The following JPH3 variants were observed in gnomAD, a reference collection of about 807,000 sequenced individuals.
The protein encoded by JPH3 is junctophilin-3.
Under a neutral mutation model 59.6 loss-of-function variants are expected in JPH3, and 11 were observed. The observed-to-expected ratio is 0.18, with a 90% confidence interval of 0.12 to 0.31. The LOEUF (loss-of-function observed/expected upper bound fraction) is 0.31, where lower values mean the gene tolerates loss of function less well. Among genes scored for constraint, JPH3 ranks in the 10% least tolerant of loss-of-function variants. The pLI is 1.00. For synonymous variants in JPH3, 673 were observed against 483.6 expected (o/e 1.39, Z -5.14); for missense variants, 1,202 against 1,105.7 (o/e 1.09, Z -1.24).
At chr16:87,664,409 G>A (rs1431585577) in intron 2 of JPH3, among the ~76,000 whole-genome samples, 1 of 151,022 alleles carries the variant, frequency 6.6e-6, no homozygotes, top group African/African-American at 2.4e-5. Flanking sequence ...TGGATCACTT[G>A]AGGTCAGGAG....
chr16:87,626,658 A>G (rs1184515334), intron 1 of JPH3, among the ~76,000 whole-genome samples: 2 of 152,240 alleles, frequency 1.3e-5, no homozygotes, highest in Non-Finnish European at 2.9e-5. Context: ...ACTCAGAGCC[A>G]CTCAGCCTAT....
intron 1 of JPH3, among the ~76,000 whole-genome samples, chr16:87,608,846 G>A (rs1476424243): frequency 2.0e-5 from 3 of 152,148 alleles, no homozygotes; most frequent in African/African-American, 7.2e-5. Flanking sequence ...AGACCAGCCT[G>A]GGCAACATTG....
At chr16:87,603,941 G>A (rs577635674) in intron 1 of JPH3, 2 of 343,118 alleles carry the variant, frequency 5.8e-6, no homozygotes, top group African/African-American at 2.2e-5. Context: ...CTTCGATCAG[G>A]CCCCAGCTTC....
intron 3 of JPH3, among the ~76,000 whole-genome samples, chr16:87,684,864 G>A (rs534399506): frequency 6.6e-6 from 1 of 152,180 alleles, no homozygotes; most frequent in South Asian, 2.1e-4. Flanking sequence ...CAGTGACAGT[G>A]GCGGGGGCGT....
At chr16:87,652,729 G>C (rs1378667796) in intron 2 of JPH3, among the ~76,000 whole-genome samples, 1 of 152,270 alleles carries the variant, frequency 6.6e-6, no homozygotes, top group East Asian at 1.9e-4. Context: ...CGTGAGTTGA[G>C]GCCCTTGGAT....
chr16:87,641,091 C>G (rs1261673694), intron 1 of JPH3, among the ~76,000 whole-genome samples: 3 of 152,356 alleles, frequency 2.0e-5, no homozygotes, highest in African/African-American at 7.2e-5. Context: ...GTCAGCTGCC[C>G]CCTCTGCCTC....
chr16:87,690,194 C>G lies in JPH3; in HGVS notation c.1834C>G (p.Arg612Gly). 1 of 1,602,118 alleles carries G rather than the reference C, an allele frequency of 6.2e-7. No individual in the cohort carries two copies. Among genetic ancestry groups the G allele is most frequent in the Non-Finnish European group, 8.5e-7 (1 of 1,174,910 alleles). The change falls in exon 4 of 5, where the codon CGG (arginine) becomes GGG (glycine). Residue 612 changes from arginine to glycine, a missense_variant. Physicochemically the swap from Arg to Gly is moderately radical, Grantham distance 125. Coordinates refer to ENST00000284262, the MANE Select transcript of JPH3 (RefSeq NM_020655.4). ...GCAGGAGGAGAAGCTGAGCAACTAC[C>G]GGATGGAGATGAAACCCTTGCTGAG... ...ELQEEKLSNY[R>G]MEMKPLLRME...
chr16:87,626,469 G>A (rs1227966968), intron 1 of JPH3, among the ~76,000 whole-genome samples: 1 of 152,236 alleles, frequency 6.6e-6, no homozygotes, highest in African/African-American at 2.4e-5. Context: ...GGCCTGTGAG[G>A]TTTCACCTGG....
At chr16:87,685,203 G>A (rs938363314) in intron 3 of JPH3, among the ~76,000 whole-genome samples, 6 of 152,310 alleles carry the variant, frequency 3.9e-5, no homozygotes, top group East Asian at 1.9e-4. Context: ...GTGACCGTCC[G>A]CCACCACTCC....
chr16:87,675,885 G>A (rs1229112325), intron 2 of JPH3, among the ~76,000 whole-genome samples: 1 of 152,220 alleles, frequency 6.6e-6, no homozygotes, highest in Non-Finnish European at 1.5e-5. Context: ...CAGGCTGCCT[G>A]CACCTCTGCC....
chr16:87,658,219 T>C (rs2032572257), intron 2 of JPH3, among the ~76,000 whole-genome samples: 1 of 152,108 alleles, frequency 6.6e-6, no homozygotes, highest in Non-Finnish European at 1.5e-5. Context: ...CCTCCTGAGG[T>C]CGCAGGGCTA....
intron 4 of JPH3, among the ~76,000 whole-genome samples, chr16:87,693,028 G>A (rs946093203): frequency 2.0e-5 from 3 of 152,218 alleles, no homozygotes; most frequent in African/African-American, 7.2e-5. Context: ...GCTGTTCTCT[G>A]CCCCCTGCAG....
intron 1 of JPH3, among the ~76,000 whole-genome samples, chr16:87,623,800 G>A (rs2031274959): frequency 6.6e-6 from 1 of 152,218 alleles, no homozygotes; most frequent in South Asian, 2.1e-4. Flanking sequence ...GAGGTTTAGG[G>A]GCAAAGCTTG....
intron 1 of JPH3, among the ~76,000 whole-genome samples, chr16:87,629,140 T>C (rs3909282): frequency 0.34 from 52,229 of 151,802 alleles, 9,552 homozygotes; most frequent in African/African-American, 0.44. Flanking sequence ...TGAGCCTCTG[T>C]GTGTCATGGG....
At chr16:87,629,205 C>G (rs1309060012) in intron 1 of JPH3, among the ~76,000 whole-genome samples, 1 of 152,152 alleles carries the variant, frequency 6.6e-6, no homozygotes, top group Non-Finnish European at 1.5e-5. Flanking sequence ...TCAGCAAATG[C>G]CAGCAGACCG....
intron 2 of JPH3, among the ~76,000 whole-genome samples, chr16:87,667,394 G>A (rs1415323083): frequency 6.6e-6 from 1 of 152,254 alleles, no homozygotes; most frequent in Non-Finnish European, 1.5e-5. Context: ...AGCACAGGCA[G>A]TGGAGACTGT....
At chr16:87,692,245 G>A (rs987566566) in intron 4 of JPH3, among the ~76,000 whole-genome samples, 2 of 127,582 alleles carry the variant, frequency 1.6e-5, no homozygotes, top group Non-Finnish European at 3.4e-5. Flanking sequence ...CTTTGGAGCT[G>A]TGTTTTCTGC....
intron 1 of JPH3, among the ~76,000 whole-genome samples, chr16:87,638,403 G>A (rs905826610): frequency 6.6e-6 from 1 of 152,172 alleles, no homozygotes; most frequent in African/African-American, 2.4e-5. Context: ...ACAGGGTGGG[G>A]GTGCTGTTCA....
intron 3 of JPH3, among the ~76,000 whole-genome samples, chr16:87,684,915 G>A (rs1230920444): frequency 6.6e-6 from 1 of 152,166 alleles, no homozygotes. Context: ...GTGGCCAGCT[G>A]CCTCCCATCT....
Sources: allele counts gnomAD v4.1 joint callset (sites outside exome capture counted in the v4.1 genomes callset), GRCh38; gene constraint gnomAD v4.1.1; transcripts MANE v1.5; gene names NCBI Gene and HGNC (gene_info 2026-07-23, HGNC 2026-07-21).